Variants in ZSWIM5 observed in about 807,000 individuals in gnomAD.
The protein encoded by ZSWIM5 is zinc finger SWIM domain-containing protein 5.
In ZSWIM5, 55 loss-of-function variants were observed where a neutral mutation model predicts 119.6. That is an observed-to-expected ratio of 0.46 (90% CI 0.37 to 0.58). The LOEUF (loss-of-function observed/expected upper bound fraction) is 0.58, where lower values mean the gene tolerates loss of function less well. ZSWIM5 is among the 20% of genes least tolerant of loss of function. ZSWIM5 has a pLI of 0.00. For synonymous variants in ZSWIM5, 537 were observed against 606.9 expected (o/e 0.88, Z 1.69); for missense variants, 1,193 against 1,512.8 (o/e 0.79, Z 3.51).
intron 1 of ZSWIM5, among the ~76,000 whole-genome samples, chr1:45,202,618 T>C (rs1208497733): frequency 2.0e-5 from 3 of 152,026 alleles, no homozygotes; most frequent in Non-Finnish European, 4.4e-5. Flanking sequence ...GATAAATACG[T>C]ACATAACTAA....
chr1:45,058,535 C>G, intron 4 of ZSWIM5, 74 bp downstream of exon 4: 1 of 1,575,118 alleles, frequency 6.3e-7, no homozygotes, highest in South Asian at 1.2e-5. Flanking sequence ...CGACTGATGG[C>G]AAGGGCTCAT....
intron 1 of ZSWIM5, among the ~76,000 whole-genome samples, chr1:45,199,583 G>A (rs1007188620): frequency 1.1e-4 from 16 of 152,032 alleles, no homozygotes; most frequent in African/African-American, 3.6e-4. Flanking sequence ...GAGCCACCAC[G>A]CCTGGCCTCA....
intron 2 of ZSWIM5, chr1:45,070,427 C>T: frequency 7.3e-7 from 1 of 1,363,080 alleles, no homozygotes; most frequent in Non-Finnish European, 1.0e-6. Flanking sequence ...ACAAAGTCTC[C>T]ATGTTGGTGG....
chr1:45,190,769 G>A (rs2149052994), intron 1 of ZSWIM5, among the ~76,000 whole-genome samples: 1 of 152,062 alleles, frequency 6.6e-6, no homozygotes, highest in African/African-American at 2.4e-5. Context: ...ACTTACTAGG[G>A]ATCAACATCT....
At chr1:45,062,683 T>C (rs1410408723) in intron 2 of ZSWIM5, among the ~76,000 whole-genome samples, 2 of 152,076 alleles carry the variant, frequency 1.3e-5, no homozygotes, top group Non-Finnish European at 1.5e-5. Flanking sequence ...TTTTAAATTT[T>C]TTTTGTAGAG....
intron 2 of ZSWIM5, among the ~76,000 whole-genome samples, chr1:45,083,359 T>A (rs779278940): frequency 1.2e-4 from 18 of 152,240 alleles, no homozygotes; most frequent in Non-Finnish European, 2.2e-4. Flanking sequence ...CAAGCAATTC[T>A]CCTGCCTCAG....
chr1:45,138,654 G>A (rs982432309), intron 1 of ZSWIM5, among the ~76,000 whole-genome samples: 1 of 152,026 alleles, frequency 6.6e-6, no homozygotes, highest in African/African-American at 2.4e-5. Flanking sequence ...CATTATACAG[G>A]CATGATTAAT....
chr1:45,197,322 T>TGA (rs1382301942), intron 1 of ZSWIM5, among the ~76,000 whole-genome samples: 4 of 152,246 alleles, frequency 2.6e-5, no homozygotes, highest in African/African-American at 9.6e-5. Flanking sequence ...CCTTCTACTT[T>TGA]GATCTACTGA....
chr1:45,097,428 A>T (rs1359717135), intron 1 of ZSWIM5, among the ~76,000 whole-genome samples: 1 of 152,198 alleles, frequency 6.6e-6, no homozygotes, highest in East Asian at 1.9e-4. Flanking sequence ...TAAGTGAAAA[A>T]GCCTTAACAT....
chr1:45,184,452 T>A (rs910203831), intron 1 of ZSWIM5, among the ~76,000 whole-genome samples: 1 of 152,130 alleles, frequency 6.6e-6, no homozygotes, highest in East Asian at 1.9e-4. Flanking sequence ...AAAGAGGAAG[T>A]CAAATTGTCC....
intron 1 of ZSWIM5, among the ~76,000 whole-genome samples, chr1:45,090,067 G>A (rs1645356186): frequency 6.6e-6 from 1 of 152,174 alleles, no homozygotes; most frequent in African/African-American, 2.4e-5. Context: ...AGCCATCATT[G>A]TGACCTGGCA....
chr1:45,161,128 T>C (rs1433452782), intron 1 of ZSWIM5, among the ~76,000 whole-genome samples: 1 of 151,864 alleles, frequency 6.6e-6, no homozygotes, highest in Non-Finnish European at 1.5e-5. Flanking sequence ...CTGGCCTATA[T>C]ACCACATTTT....
intron 1 of ZSWIM5, among the ~76,000 whole-genome samples, chr1:45,131,036 G>A (rs559179301): frequency 6.6e-6 from 1 of 152,162 alleles, no homozygotes; most frequent in African/African-American, 2.4e-5. Context: ...TTTTGAAATG[G>A]TAAAATTATA....
At chr1:45,033,946 T>TCTGCCTCACGCCATTCTC (rs1252321655) in intron 11 of ZSWIM5, among the ~76,000 whole-genome samples, 2 of 151,686 alleles carry the variant, frequency 1.3e-5, no homozygotes, top group Non-Finnish European at 2.9e-5. Context: ...CACTGCAAGC[T>TCTGCCTCACGCCATTCTC]CTGCCTCACG....
intron 5 of ZSWIM5, among the ~76,000 whole-genome samples, chr1:45,050,215 C>T (rs578260600): frequency 7.9e-5 from 12 of 151,876 alleles, no homozygotes; most frequent in African/African-American, 2.4e-4. Flanking sequence ...ATTAGCCGGG[C>T]GTGGTGGCTC....
intron 1 of ZSWIM5, among the ~76,000 whole-genome samples, chr1:45,096,143 G>A (rs2149015328): frequency 6.6e-6 from 1 of 152,240 alleles, no homozygotes; most frequent in Middle Eastern, 3.4e-3. Flanking sequence ...GAACTATATA[G>A]GCTTTTAAAA....
rs561943916 is a variant in ZSWIM5 at position 45,058,703 on chromosome 1, T to G, written c.1158A>C (p.Ile386=). ...GTGGGTCAGCCACAAACTGCTCAGT[T>G]ATTAGTGTCAGCATCCTTGCTCCAT... ...DSNGARMLTL[I]TEQFVADPRL... Residue 386 remains isoleucine, a synonymous_variant, in exon 4 of 14, where the codon ATA becomes ATC. Coordinates refer to ENST00000359600, the MANE Select transcript of ZSWIM5 (RefSeq NM_020883.2). 5 of 1,614,234 alleles carry G rather than the reference T, an allele frequency of 3.1e-6. No homozygotes were observed. Among genetic ancestry groups the G allele is most frequent in the South Asian group, 1.1e-5 (1 of 91,084 alleles).
chr1:45,204,473 TG>T (rs1241270693), intron 1 of ZSWIM5, among the ~76,000 whole-genome samples: 1 of 152,186 alleles, frequency 6.6e-6, no homozygotes, highest in Non-Finnish European at 1.5e-5. Flanking sequence ...CACTATATTC[TG>T]GCACAGGATA....
chr1:45,191,093 C>T (rs1481220269), intron 1 of ZSWIM5, among the ~76,000 whole-genome samples: 1 of 151,584 alleles, frequency 6.6e-6, no homozygotes, highest in African/African-American at 2.4e-5. Context: ...ACTACAGACG[C>T]CCGCCACCGC....
Sources: gnomAD v4.1 joint callset for allele counts (sites outside exome capture counted in the v4.1 genomes callset) on GRCh38, gnomAD v4.1.1 for gene constraint, MANE v1.5 for transcripts, NCBI Gene and HGNC (gene_info 2026-07-23, HGNC 2026-07-21) for gene names.